The following GRAP2 variants were observed in gnomAD, a reference collection of about 807,000 sequenced individuals.
The protein encoded by GRAP2 is GRB2 related adaptor protein 2, also known as GRB2-related adapter protein 2.
Under a neutral mutation model 43.5 loss-of-function variants are expected in GRAP2, and 31 were observed. The observed-to-expected ratio is 0.71, with a 90% CI of 0.54 to 0.96. The LOEUF (loss-of-function observed/expected upper bound fraction) is 0.96, where lower values mean the gene tolerates loss of function less well. Ranked by LOEUF, GRAP2 falls within the 40% of genes least tolerant of loss-of-function variation. The pLI is 0.00. For synonymous variants in GRAP2, 156 were observed against 164.8 expected (o/e 0.95, Z 0.41); for missense variants, 371 against 424.4 (o/e 0.87, Z 1.11).
chr22:39,913,139 G>A (rs1056166543), intron 1 of GRAP2, among the ~76,000 whole-genome samples: 4 of 149,184 alleles, frequency 2.7e-5, no homozygotes, highest in Non-Finnish European at 5.9e-5. Flanking sequence ...GTTGCAGTGA[G>A]CAGAGATTGC....
chr22:39,965,777 A>G (rs1036168345), intron 4 of GRAP2, among the ~76,000 whole-genome samples: 1 of 152,194 alleles, frequency 6.6e-6, no homozygotes, highest in East Asian at 1.9e-4. Context: ...GCTGATGTAA[A>G]TCCCGTCTAG....
At chr22:39,925,806 G>A (rs1281976355) in intron 1 of GRAP2, among the ~76,000 whole-genome samples, 2 of 152,148 alleles carry the variant, frequency 1.3e-5, no homozygotes, top group East Asian at 1.9e-4. Flanking sequence ...CTGAGTCCCC[G>A]ACTTCATCTC....
upstream of GRAP2, among the ~76,000 whole-genome samples, chr22:39,899,354 G>T (rs982039365): frequency 7.2e-5 from 11 of 152,122 alleles, no homozygotes; most frequent in African/African-American, 1.7e-4. Context: ...TTTTCCCTTC[G>T]CTCCCACTCC....
At position 39,951,813 on chromosome 22, in the gene GRAP2, A is replaced by T. The variant is rs567447858; in HGVS notation, c.79-4006A>T. 5.9e-3 allele frequency among the ~76,000 whole-genome samples: 897 copies of T among 151,958 alleles called. 6 individuals carry two copies. Among genetic ancestry groups the T allele is most frequent in the African/African-American group, 0.021 (854 of 41,364 alleles). On this transcript the variant is annotated intron_variant, in intron 2 of 7. Transcript: ENST00000344138. Reference sequence around the variant, plus strand: ...TTGCAGAAAATGAGAATTTTTTTTAAAAAAAAACCTCACCTTCTATACATG... The same window carrying T: ...TTGCAGAAAATGAGAATTTTTTTTATAAAAAAACCTCACCTTCTATACATG...
intron 3 of GRAP2, among the ~76,000 whole-genome samples, chr22:39,957,131 G>A (rs1426396152): frequency 6.6e-6 from 1 of 152,212 alleles, no homozygotes; most frequent in Non-Finnish European, 1.5e-5. Flanking sequence ...CTCAGAACCA[G>A]GGTCTAGCTC....
chr22:39,917,626 A>G (rs2066613585), intron 1 of GRAP2, among the ~76,000 whole-genome samples: 1 of 152,210 alleles, frequency 6.6e-6, no homozygotes, highest in East Asian at 1.9e-4. Context: ...TACTTCAAGT[A>G]TGTTTGGAAC....
chr22:39,899,910 C>A (rs768821429), upstream of GRAP2, among the ~76,000 whole-genome samples: 1 of 151,858 alleles, frequency 6.6e-6, no homozygotes, highest in East Asian at 1.9e-4. Flanking sequence ...CACTTGTACT[C>A]GGGAGACGGA....
intron 1 of GRAP2, among the ~76,000 whole-genome samples, chr22:39,908,868 G>A (rs755419500): frequency 3.9e-5 from 6 of 152,210 alleles, no homozygotes; most frequent in Non-Finnish European, 8.8e-5. Flanking sequence ...GCTCGGTACC[G>A]TGTCAGGTCA....
chr22:39,969,143 C>T (rs1348734800), intron 6 of GRAP2, among the ~76,000 whole-genome samples: 1 of 152,218 alleles, frequency 6.6e-6, no homozygotes, highest in Non-Finnish European at 1.5e-5. Flanking sequence ...AGCTATATTT[C>T]CCTTGTGTCT....
chr22:39,966,736 A>G (rs753371414), intron 5 of GRAP2, among the ~76,000 whole-genome samples: 4 of 152,204 alleles, frequency 2.6e-5, no homozygotes, highest in Non-Finnish European at 5.9e-5. Context: ...TATTGCTTTA[A>G]AAGGAAATGC....
intron 1 of GRAP2, among the ~76,000 whole-genome samples, chr22:39,903,043 C>A (rs902798866): frequency 1.3e-5 from 2 of 152,132 alleles, no homozygotes; most frequent in Admixed American, 1.3e-4. Context: ...ATAATAACAC[C>A]CACTGGTGTT....
At chr22:39,911,803 A>G (rs1444918419) in intron 1 of GRAP2, among the ~76,000 whole-genome samples, 1 of 152,202 alleles carries the variant, frequency 6.6e-6, no homozygotes, top group Non-Finnish European at 1.5e-5. Context: ...GTGTGATCCT[A>G]GGACCAGCAG....
At chr22:39,958,094 A>G (rs533096393) in intron 3 of GRAP2, among the ~76,000 whole-genome samples, 1 of 152,144 alleles carries the variant, frequency 6.6e-6, no homozygotes, top group South Asian at 2.1e-4. Context: ...CATGGGCTGT[A>G]GCTCCCAGGG....
At chr22:39,967,951 G>T (rs1477231311) in intron 5 of GRAP2, 91 bp from the exon 6 acceptor site, 4 of 1,485,610 alleles carry the variant, frequency 2.7e-6, no homozygotes, top group Non-Finnish European at 2.7e-6. Context: ...AGCCAGATGA[G>T]CAGGGTCTGG....
chr22:39,951,577 A>C (rs1254387724), intron 2 of GRAP2, among the ~76,000 whole-genome samples: 1 of 152,188 alleles, frequency 6.6e-6, no homozygotes, highest in Non-Finnish European at 1.5e-5. Flanking sequence ...TAACCCAAAA[A>C]ATCATCTCTT....
At position 39,916,241 on chromosome 22, in the gene GRAP2, A is replaced by T. The variant is rs181450123; in HGVS notation, c.-15+14911A>T. 2.0e-4 allele frequency among the ~76,000 whole-genome samples: 30 copies of T among 152,372 alleles called. No individual in the cohort carries two copies. In the East Asian group the frequency reaches 5.6e-3, roughly 28 times the overall value. ...ATCTGCCACAGCCCCCTCCCCCAACAGCACTTCATCACCTCCGTGAACGGA... is the reference window on the plus strand; with the variant it reads ...ATCTGCCACAGCCCCCTCCCCCAACTGCACTTCATCACCTCCGTGAACGGA... On this transcript the variant is annotated intron_variant, in intron 1 of 7. Transcript: ENST00000344138.
At chr22:39,899,878 T>C (rs2066482482), upstream of GRAP2, among the ~76,000 whole-genome samples, 4 of 151,804 alleles carry the variant, frequency 2.6e-5, no homozygotes. Context: ...CCCAGCTACT[T>C]GGGAGGCTGA....
intron 1 of GRAP2, among the ~76,000 whole-genome samples, chr22:39,902,777 C>A (rs2066500875): frequency 6.6e-6 from 1 of 152,166 alleles, no homozygotes. Flanking sequence ...AAATCCCTTT[C>A]AATTGTTCTG....
intron 1 of GRAP2, among the ~76,000 whole-genome samples, chr22:39,910,987 A>G (rs900736513): frequency 2.0e-5 from 3 of 152,250 alleles, no homozygotes; most frequent in African/African-American, 7.2e-5. Context: ...ATGAATCTGC[A>G]TCCTTAGACA....
Sources: gnomAD v4.1 joint callset for allele counts (sites outside exome capture counted in the v4.1 genomes callset) on GRCh38, gnomAD v4.1.1 for gene constraint, MANE v1.5 for transcripts, NCBI Gene and HGNC (gene_info 2026-07-23, HGNC 2026-07-21) for gene names.